Variants in LHFPL3 observed in about 807,000 individuals in gnomAD.
LHFPL3 encodes LHFPL tetraspan subfamily member 3 protein.
In LHFPL3, 5 loss-of-function variants were observed where a neutral mutation model predicts 19.3. That is an observed-to-expected ratio of 0.26 (90% confidence interval 0.14 to 0.54). The LOEUF is 0.54. Among genes scored for constraint, LHFPL3 ranks in the 20% least tolerant of loss-of-function variants. The pLI is 0.94. For missense variants in LHFPL3, 249 were observed against 307.4 expected (o/e 0.81, Z 1.42); for synonymous variants, 133 against 126.2 (o/e 1.05, Z -0.36).
chr7:104,362,850 C>T (rs1790415940), intron 1 of LHFPL3, among the ~76,000 whole-genome samples: 1 of 152,128 alleles, frequency 6.6e-6, no homozygotes, highest in South Asian at 2.1e-4. Flanking sequence ...CAAAGCTGTC[C>T]CCTTGTGCTG....
intron 2 of LHFPL3, among the ~76,000 whole-genome samples, chr7:104,776,289 A>G (rs1284074053): frequency 6.6e-6 from 1 of 152,266 alleles, no homozygotes; most frequent in Non-Finnish European, 1.5e-5. Flanking sequence ...AGCAATTTCT[A>G]GAAACCACAC....
At chr7:104,590,341 T>G (rs567116666) in intron 1 of LHFPL3, among the ~76,000 whole-genome samples, 1 of 152,338 alleles carries the variant, frequency 6.6e-6, no homozygotes, top group East Asian at 1.9e-4. Flanking sequence ...TCAAAGAACA[T>G]CTTTATTTCT....
intron 1 of LHFPL3, among the ~76,000 whole-genome samples, chr7:104,564,198 C>T (rs1292257450): frequency 6.6e-6 from 1 of 152,178 alleles, no homozygotes; most frequent in Non-Finnish European, 1.5e-5. Context: ...TCACTTAAAA[C>T]CTATGCCCAT....
At chr7:104,714,537 T>G (rs1173214747) in intron 1 of LHFPL3, among the ~76,000 whole-genome samples, 2 of 152,072 alleles carry the variant, frequency 1.3e-5, no homozygotes, top group South Asian at 4.2e-4. Context: ...TTAGCAGTTC[T>G]TCATTTTAGA....
chr7:104,878,302 C>T (rs73184016), intron 2 of LHFPL3, among the ~76,000 whole-genome samples: 29,036 of 151,532 alleles, frequency 0.19, 2,973 homozygotes, highest in Non-Finnish European at 0.22. Flanking sequence ...TTTGTGGCAA[C>T]CCTGTTTTGT....
intron 1 of LHFPL3, among the ~76,000 whole-genome samples, chr7:104,508,653 AC>A: frequency 6.6e-6 from 1 of 151,680 alleles, no homozygotes; most frequent in East Asian, 1.9e-4. Context: ...ATTTATGCAT[AC>A]ATTAGAAAAA....
intron 1 of LHFPL3, among the ~76,000 whole-genome samples, chr7:104,678,817 TTTTA>T (rs1562964060): frequency 6.6e-6 from 1 of 152,320 alleles, no homozygotes; most frequent in East Asian, 1.9e-4. Context: ...TGGCCATAGG[TTTTA>T]TTTGTTTCTT....
At chr7:104,394,478 C>G (rs1791143180) in intron 1 of LHFPL3, among the ~76,000 whole-genome samples, 1 of 152,028 alleles carries the variant, frequency 6.6e-6, no homozygotes, top group Non-Finnish European at 1.5e-5. Context: ...ATAGCCATTT[C>G]TAAAAAAAGT....
At chr7:104,355,617 C>T (rs948439413) in intron 1 of LHFPL3, among the ~76,000 whole-genome samples, 2 of 152,206 alleles carry the variant, frequency 1.3e-5, no homozygotes, top group Non-Finnish European at 2.9e-5. Context: ...TGGCCTTCTA[C>T]TCACTACAGT....
chr7:104,442,493 A>G (rs1039392340), intron 1 of LHFPL3, among the ~76,000 whole-genome samples: 3 of 152,226 alleles, frequency 2.0e-5, no homozygotes, highest in African/African-American at 7.2e-5. Context: ...TCCAAAATCT[A>G]GAAGAAAATA....
At chr7:104,647,982 G>A (rs1407496388) in intron 1 of LHFPL3, among the ~76,000 whole-genome samples, 1 of 152,212 alleles carries the variant, frequency 6.6e-6, no homozygotes, top group Non-Finnish European at 1.5e-5. Flanking sequence ...TGACATGCCT[G>A]CTAACTAAAA....
At chr7:104,697,659 T>C (rs978216921) in intron 1 of LHFPL3, among the ~76,000 whole-genome samples, 5 of 152,244 alleles carry the variant, frequency 3.3e-5, no homozygotes, top group Admixed American at 2.6e-4. Flanking sequence ...AGTTGTTCCA[T>C]ATTTGATATA....
At chr7:104,554,867 C>T (rs759541137) in intron 1 of LHFPL3, among the ~76,000 whole-genome samples, 2 of 152,146 alleles carry the variant, frequency 1.3e-5, no homozygotes, top group Non-Finnish European at 2.9e-5. Context: ...CCCTGAAGGC[C>T]TGAGAACACA....
intron 2 of LHFPL3, among the ~76,000 whole-genome samples, chr7:104,859,228 C>A (rs1178037479): frequency 6.6e-6 from 1 of 150,950 alleles, no homozygotes; most frequent in African/African-American, 2.4e-5. Context: ...GATCATACCA[C>A]TGCACTCCAG....
intron 1 of LHFPL3, among the ~76,000 whole-genome samples, chr7:104,650,824 A>ACAGGAG (rs1792019239): frequency 6.6e-6 from 1 of 152,212 alleles, no homozygotes; most frequent in African/African-American, 2.4e-5. Flanking sequence ...ATTAAAGCAA[A>ACAGGAG]ATGGACAACC....
At chr7:104,819,744 T>C (rs1017976023) in intron 2 of LHFPL3, among the ~76,000 whole-genome samples, 1 of 152,220 alleles carries the variant, frequency 6.6e-6, no homozygotes, top group Non-Finnish European at 1.5e-5. Context: ...TGGAGCTTGC[T>C]GATATGTGCG....
intron 2 of LHFPL3, among the ~76,000 whole-genome samples, chr7:104,761,290 T>A (rs1304599042): frequency 6.6e-6 from 1 of 151,748 alleles, no homozygotes; most frequent in African/African-American, 2.4e-5. Context: ...TTTGGTGGGT[T>A]TTTTTACATT....
chr7:104,631,050 T>C (rs1562954143), intron 1 of LHFPL3, among the ~76,000 whole-genome samples: 1 of 152,088 alleles, frequency 6.6e-6, no homozygotes, highest in Non-Finnish European at 1.5e-5. Flanking sequence ...TGCCCTTGTG[T>C]AACAAGAAAA....
intron 1 of LHFPL3, among the ~76,000 whole-genome samples, chr7:104,410,548 T>C (rs1791517020): frequency 6.6e-6 from 1 of 152,180 alleles, no homozygotes; most frequent in African/African-American, 2.4e-5. Flanking sequence ...TTAACATAAA[T>C]GTAGGTGTCT....
Sources: gnomAD v4.1 joint callset for allele counts (sites outside exome capture counted in the v4.1 genomes callset) on GRCh38, gnomAD v4.1.1 for gene constraint, MANE v1.5 for transcripts, NCBI Gene and HGNC (gene_info 2026-07-23, HGNC 2026-07-21) for gene names.